The following LMBR1 variants were observed in gnomAD, a reference collection of about 807,000 sequenced individuals.
The protein encoded by LMBR1 is limb region 1 protein homolog.
A neutral mutation model predicts 73.9 loss-of-function variants in LMBR1; 52 were observed. The ratio of observed to expected loss-of-function variants is 0.70; its 90% CI spans 0.56 to 0.89. The LOEUF is 0.89. Among genes scored for constraint, LMBR1 ranks in the 40% least tolerant of loss-of-function variants. The pLI is 0.00. For missense variants in LMBR1, 539 were observed against 579.8 expected (o/e 0.93, Z 0.72); for synonymous variants, 215 against 209.4 (o/e 1.03, Z -0.23).
chr7:156,810,218 G>A (rs551823597), intron 4 of LMBR1, among the ~76,000 whole-genome samples: 67 of 152,276 alleles, frequency 4.4e-4, no homozygotes, highest in African/African-American at 1.6e-3. Flanking sequence ...GATCACAGGA[G>A]AAGACAGGAA....
chr7:156,836,502 C>A (rs570731415), intron 2 of LMBR1, among the ~76,000 whole-genome samples: 2 of 152,302 alleles, frequency 1.3e-5, no homozygotes, highest in South Asian at 4.1e-4. Flanking sequence ...CATTCAAAGT[C>A]AGAGCCGCTC....
rs144500594 is a variant in LMBR1 at position 156,888,372 on chromosome 7, T to C, written c.66+4556A>G. 6.8e-3 allele frequency among the ~76,000 whole-genome samples: 968 copies of C among 143,108 alleles called. 12 individuals carry two copies. Among genetic ancestry groups the C allele is most frequent in the African/African-American group, 0.024 (910 of 38,110 alleles). 93.9% of individuals were successfully genotyped at this position (143,108 alleles called of 152,430 possible). A position where few individuals can be genotyped will look rare whatever the true frequency, so the allele number is the denominator to read the frequency against. ...TTGCAGTGAGCCGAGATTGAGTCAC[T>C]GCACTCCAGCCTGGGAAACACAGCG... On this transcript the variant is annotated intron_variant, in intron 1 of 16. Transcript: ENST00000353442.
At chr7:156,872,142 A>G (rs1439505851) in intron 1 of LMBR1, 2 of 152,142 alleles carry the variant, frequency 1.3e-5, no homozygotes, top group Non-Finnish European at 2.9e-5. Flanking sequence ...CTGCTGATGG[A>G]AAACTTTTCC....
chr7:156,779,775 C>T, intron 5 of LMBR1: 1 of 959,752 alleles, frequency 1.0e-6, no homozygotes, highest in Non-Finnish European at 1.4e-6. Context: ...ATGTCTCTAC[C>T]CATTAGGAAG....
downstream of LMBR1, among the ~76,000 whole-genome samples, chr7:156,672,957 T>C (rs1802903366): frequency 6.6e-6 from 1 of 152,228 alleles, no homozygotes; most frequent in South Asian, 2.1e-4. Flanking sequence ...GTAAAGCATA[T>C]CGCAGGGCTC....
intron 3 of LMBR1, among the ~76,000 whole-genome samples, chr7:156,831,509 GGGAGACTA>G (rs1350707450): frequency 6.6e-6 from 1 of 152,032 alleles, no homozygotes; most frequent in African/African-American, 2.4e-5. Context: ...AGAAAGATGA[GGGAGACTA>G]GTCAGACTCC....
chr7:156,811,764 A>C (rs1833136819), intron 4 of LMBR1, among the ~76,000 whole-genome samples: 1 of 152,216 alleles, frequency 6.6e-6, no homozygotes, highest in Non-Finnish European at 1.5e-5. Context: ...GAACTGAGGA[A>C]ACAAAGCACC....
At chr7:156,796,628 A>T in intron 4 of LMBR1, 136 bp from the exon 5 acceptor site, 1 of 481,280 alleles carries the variant, frequency 2.1e-6, no homozygotes, top group Non-Finnish European at 3.6e-6. Flanking sequence ...TCATAAAATA[A>T]TTATAGTATG....
At chr7:156,810,126 T>C (rs1832834986) in intron 4 of LMBR1, among the ~76,000 whole-genome samples, 2 of 151,886 alleles carry the variant, frequency 1.3e-5, no homozygotes, top group South Asian at 4.1e-4. Context: ...TACAAGAAGC[T>C]TGGTGCCAAC....
intron 15 of LMBR1, among the ~76,000 whole-genome samples, chr7:156,688,591 C>T (rs1427834682): frequency 6.6e-6 from 1 of 151,976 alleles, no homozygotes; most frequent in Non-Finnish European, 1.5e-5. Flanking sequence ...AAAAAGATGC[C>T]TGAGAACATC....
At chr7:156,812,556 A>G (rs1563426324) in intron 4 of LMBR1, among the ~76,000 whole-genome samples, 1 of 152,198 alleles carries the variant, frequency 6.6e-6, no homozygotes, top group East Asian at 1.9e-4. Context: ...CTAAAACTAC[A>G]AAGAACCAAA....
chr7:156,708,065 G>A (rs1811341280), intron 15 of LMBR1, among the ~76,000 whole-genome samples: 1 of 151,018 alleles, frequency 6.6e-6, no homozygotes, highest in African/African-American at 2.4e-5. Context: ...ATCTAGCTGA[G>A]AAGGAAATCA....
At chr7:156,788,262 C>G (rs1828516736) in intron 5 of LMBR1, among the ~76,000 whole-genome samples, 1 of 151,982 alleles carries the variant, frequency 6.6e-6, no homozygotes. Context: ...TAGCAAAACC[C>G]CATTTCTTTA....
At chr7:156,785,672 T>C (rs536868056) in intron 5 of LMBR1, among the ~76,000 whole-genome samples, 1 of 152,270 alleles carries the variant, frequency 6.6e-6, no homozygotes, top group Admixed American at 6.5e-5. Context: ...TTGGGCTCCA[T>C]ACCTGTAGAA....
At chr7:156,883,741 G>A (rs968459142) in intron 1 of LMBR1, among the ~76,000 whole-genome samples, 1 of 152,106 alleles carries the variant, frequency 6.6e-6, no homozygotes, top group Non-Finnish European at 1.5e-5. Flanking sequence ...CTTGGCTCAT[G>A]GTCCCTCCTC....
At chr7:156,677,016 TA>T (rs148037389), downstream of LMBR1, 3,137 of 208,662 alleles carry the variant, frequency 0.015, 48 homozygotes, top group Non-Finnish European at 0.024. Context: ...TGTTTTCCGC[TA>T]ATAGTCTGTC....
Position 156,734,253 on chromosome 7 carries a change from C to G in LMBR1, c.762G>C (p.Leu254=), listed in dbSNP as rs1171798267. The part of the protein sequence containing the change: ...EEALQRRLNG[L]SSSVEYNIME... ...TTATGTTGTATTCCACCGATGAAGA[C>G]AGCCCTGTTCAAAGCAAAAAATATT... Residue 254 remains leucine (L), a synonymous_variant, in exon 10 of 17, where the codon CTG becomes CTC. Transcript: ENST00000353442. The G allele has an allele frequency of 1.9e-6, 3 of 1,596,712 alleles. No individual in the cohort carries two copies. The East Asian group carries it at 6.7e-5, about 36-fold the overall frequency.
At chr7:156,709,356 G>A (rs1475276486) in intron 15 of LMBR1, among the ~76,000 whole-genome samples, 2 of 152,180 alleles carry the variant, frequency 1.3e-5, no homozygotes, top group Non-Finnish European at 2.9e-5. Flanking sequence ...CAGAGGTCCT[G>A]AGTCTGTCCA....
chr7:156,879,985 C>G (rs569757902), intron 1 of LMBR1, among the ~76,000 whole-genome samples: 1 of 152,298 alleles, frequency 6.6e-6, no homozygotes, highest in African/African-American at 2.4e-5. Context: ...TTTGATCCAG[C>G]AATACCACTA....
Sources: gnomAD v4.1 joint callset for allele counts (sites outside exome capture counted in the v4.1 genomes callset) on GRCh38, gnomAD v4.1.1 for gene constraint, MANE v1.5 for transcripts, NCBI Gene and HGNC (gene_info 2026-07-23, HGNC 2026-07-21) for gene names.